HUS1: variants seen among roughly 807,000 people sequenced by gnomAD.
The protein encoded by HUS1 is HUS1 checkpoint clamp component, also known as checkpoint protein HUS1.
Under a neutral mutation model 32.6 loss-of-function variants are expected in HUS1, and 31 were observed. The ratio of observed to expected loss-of-function variants is 0.95; its 90% CI spans 0.72 to 1.28. The LOEUF is 1.28. Ranked by LOEUF, HUS1 falls within the 50% of genes most tolerant of loss-of-function variation. HUS1 has a pLI of 0.00. For missense variants in HUS1, 340 were observed against 337.7 expected, an observed-to-expected ratio of 1.01 and a Z score of -0.05; for synonymous variants, 123 against 116.6, an observed-to-expected ratio of 1.06 and a Z score of -0.36.
At position 47,967,878 on chromosome 7, in the gene HUS1, C is replaced by A; in HGVS notation, c.688G>T (p.Val230Leu). The change falls in exon 7 of 8, where the codon GTG becomes TTG. Residue 230 changes from valine to leucine, a missense_variant. Physicochemically the swap from Val to Leu is conservative, Grantham distance 32 (BLOSUM62 1). Transcript: ENST00000258774. ...EDRNVEHMAE[V>L]HIDIRKLLQF... ...AGGAGCTTCCTAATATCTATGTGCA[C>A]TTCAGCCATGTGTTCCACGTTTCTG... 2.5e-6 allele frequency: 4 copies of A among 1,614,040 alleles called. No homozygotes were observed. The highest frequency in any genetic ancestry group is 3.4e-6 in the Non-Finnish European group (4 of 1,179,952).
intron 6 of HUS1, among the ~76,000 whole-genome samples, chr7:47,968,192 T>G (rs1788521092): frequency 6.6e-6 from 1 of 152,140 alleles, no homozygotes; most frequent in South Asian, 2.1e-4. Context: ...AAAATTTTAT[T>G]TATTTGTACT....
At chr7:47,968,759 C>T (rs768874085) in intron 6 of HUS1, 1 of 157,590 alleles carries the variant, frequency 6.3e-6, no homozygotes, top group Non-Finnish European at 1.4e-5. Context: ...TCCCTTATTA[C>T]CTTGTATGAG....
intron 7 of HUS1, among the ~76,000 whole-genome samples, chr7:47,967,163 C>T (rs1788496054): frequency 6.6e-6 from 1 of 152,158 alleles, no homozygotes; most frequent in African/African-American, 2.4e-5. Flanking sequence ...AGGATGCAGT[C>T]GCTTTTAGGT....
At position 47,978,552 on chromosome 7, in the gene HUS1, T is replaced by C. The variant is rs1349108812; in HGVS notation, c.222A>G (p.Ala74=). Residue 74 remains alanine (A), a synonymous_variant, in exon 3 of 8, where the codon GCA becomes GCG. Transcript: ENST00000258774. ...GCTCTAAATAAATCTCATTGTTTTC[T>C]GCAGAGACACCCTCCATTTGAAATT... ...FNEFQMEGVS[A]ENNEIYLELT... The C allele has an allele frequency of 1.2e-6, 2 of 1,614,230 alleles. No homozygotes were observed. Among genetic ancestry groups the C allele is most frequent in the East Asian group, 4.5e-5 (2 of 44,886 alleles).
In HUS1 at chr7:47,967,910, T is replaced by C. The variant is rs1198579054; in HGVS notation, c.656A>G (p.His219Arg). ...CATGTGTTCCACGTTTCTGTCCTCA[T>C]GGGTGCTTTCAGAGGCTAAAATGAT... ...GNPPLASEST[H>R]EDRNVEHMAE... The change falls in exon 7 of 8, where the codon CAT (histidine) becomes CGT (arginine). Residue 219 changes from histidine to arginine, a missense_variant. His to Arg is a conservative substitution (Grantham distance 29). Transcript: ENST00000258774. The C allele has an allele frequency of 5.6e-6, 9 of 1,612,714 alleles. No homozygotes were observed. Among genetic ancestry groups the C allele is most frequent in the Non-Finnish European group, 7.6e-6 (9 of 1,179,418 alleles).
Position 47,973,573 on chromosome 7 carries a change from C to T in HUS1, c.540+2040G>A, listed in dbSNP as rs74777182. ...TGGGCATCTCTAATGGGAAGGTGGG[C>T]ATTTTTAGTGTGTTAAGTCTACCCA... On this transcript the variant is annotated intron_variant, in intron 5 of 7. Coordinates refer to ENST00000258774, the MANE Select transcript of HUS1 (RefSeq NM_004507.4). Among the ~76,000 whole-genome samples, 446 of 152,308 alleles carry T rather than the reference C, an allele frequency of 2.9e-3. 26 individuals are homozygous for T. In the East Asian group the frequency reaches 0.081, roughly 28 times the overall value.
chr7:47,971,549 G>A, intron 5 of HUS1: 1 of 456,708 alleles, frequency 2.2e-6, no homozygotes, highest in Non-Finnish European at 4.4e-6. Context: ...AGTATGGTTT[G>A]AGGTTTTGCT....
At chr7:47,976,985 A>G in intron 3 of HUS1, 148 bp from the exon 4 acceptor site, 1 of 589,240 alleles carries the variant, frequency 1.7e-6, no homozygotes, top group East Asian at 2.9e-5. Flanking sequence ...TTCGACCAAT[A>G]TTGATGGTGC....
At position 47,965,013 on chromosome 7, in the gene HUS1, G is replaced by GC. The variant is rs1197256607; in HGVS notation, c.*342dup. On this transcript the variant is annotated 3_prime_UTR_variant, in exon 8 of 8. Coordinates refer to ENST00000258774, the MANE Select transcript of HUS1 (RefSeq NM_004507.4). The stretch of plus-strand genomic sequence containing the variant: ...TGGAGGGAAAGTACCAAGCTCCCAG[G>GC]CAACAGCTTTACGAATTCTGGCTAC... 1.8e-5 allele frequency: 4 copies of GC among 217,786 alleles called. No homozygotes were observed. The highest frequency in any genetic ancestry group is 7.0e-5 in the South Asian group (1 of 14,242). The allele number at this position is 217,786 out of a possible 1,614,324, so 13.5% of individuals were successfully genotyped here.
intron 5 of HUS1, among the ~76,000 whole-genome samples, chr7:47,970,845 T>A (rs2128765341): frequency 6.6e-6 from 1 of 152,246 alleles, no homozygotes; most frequent in South Asian, 2.1e-4. Context: ...CAGCAGACAA[T>A]GCAGTGCAGT....
intron 5 of HUS1, among the ~76,000 whole-genome samples, chr7:47,972,324 T>C (rs1788615293): frequency 6.6e-6 from 1 of 152,232 alleles, no homozygotes; most frequent in Non-Finnish European, 1.5e-5. Flanking sequence ...CACTTCAGGC[T>C]TAAATGTTCT....
At chr7:47,975,784 C>T in intron 4 of HUS1, 97 bp from the exon 5 acceptor site, 1 of 651,480 alleles carries the variant, frequency 1.5e-6, no homozygotes, top group East Asian at 3.1e-5. Context: ...CACATGCATG[C>T]TCAAAAACTA....
Position 47,964,170 on chromosome 7 carries a change from G to A in HUS1, c.*1186C>T, listed in dbSNP as rs2686836. ...CAGGTGGGCGGGTGGCTTGAGCCCA[G>A]GAGTTCAAGACCAGCCTGGACAACA... On this transcript the variant is annotated 3_prime_UTR_variant, in exon 8 of 8. Coordinates refer to ENST00000258774, the MANE Select transcript of HUS1 (RefSeq NM_004507.4). 0.46 allele frequency: 69,879 copies of A among 152,072 alleles called. 16,798 individuals carry two copies. Among genetic ancestry groups the A allele is most frequent in the East Asian group, 0.54 (2,765 of 5,160 alleles). The allele number at this position is 152,072 out of a possible 1,614,324, so 9.4% of individuals were successfully genotyped here. A position where few individuals can be genotyped will look rare whatever the true frequency, so the allele number is the denominator to read the frequency against.
intron 5 of HUS1, among the ~76,000 whole-genome samples, chr7:47,973,399 G>C (rs1036737141): frequency 6.6e-6 from 1 of 152,198 alleles, no homozygotes; most frequent in Non-Finnish European, 1.5e-5. Context: ...CCAGATTCCA[G>C]GGGATTCACA....
chr7:47,972,713 T>C (rs3176551), intron 5 of HUS1, among the ~76,000 whole-genome samples: 1,152 of 48,074 alleles, frequency 0.024, 21 homozygotes, highest in African/African-American at 0.053. Context: ...TGGGGTAGTA[T>C]CCAGCACTAG....
At chr7:47,978,392 T>C (rs2242478) in intron 3 of HUS1, 25 bp downstream of exon 3, 799,907 of 1,595,602 alleles carry the variant, frequency 0.5, 203,306 homozygotes, top group East Asian at 0.53. Context: ...ACTTCTGTGT[T>C]AGAAACCCTG....
chr7:47,979,408 A>G, intron 1 of HUS1, 60 bp downstream of exon 1: 2 of 1,483,808 alleles, frequency 1.3e-6, no homozygotes, highest in Non-Finnish European at 1.8e-6. Context: ...CGCGGTCCCC[A>G]CCGCGCGCTC....
At chr7:47,967,541 A>C (rs1036868690) in intron 7 of HUS1, among the ~76,000 whole-genome samples, 8 of 152,334 alleles carry the variant, frequency 5.3e-5, no homozygotes, top group African/African-American at 1.9e-4. Context: ...GAGGCAGCAC[A>C]CAACCCACCT....
chr7:47,978,949 G>T (rs1788768078), intron 1 of HUS1, 133 bp from the exon 2 acceptor site: 1 of 881,200 alleles, frequency 1.1e-6, no homozygotes. Context: ...TATCACACTG[G>T]AAAGTACTTT....
Sources: allele counts gnomAD v4.1 joint callset (sites outside exome capture counted in the v4.1 genomes callset), GRCh38; gene constraint gnomAD v4.1.1; transcripts MANE v1.5; gene names NCBI Gene and HGNC (gene_info 2026-07-23, HGNC 2026-07-21).